NIPAL2: variants seen among roughly 807,000 people sequenced by gnomAD.
The protein encoded by NIPAL2 is NIPA-like protein 2.
In NIPAL2, 43 loss-of-function variants were observed where a neutral mutation model predicts 48.9. The ratio of observed to expected loss-of-function variants is 0.88; its 90% CI spans 0.69 to 1.13. The LOEUF is 1.13. NIPAL2 is among the 50% of genes most tolerant of loss of function. The probability of loss-of-function intolerance (pLI) is 0.00; values close to 1 mark genes in which losing one functional copy is unlikely to be tolerated. For synonymous variants in NIPAL2, 167 were observed against 174.6 expected (o/e 0.96, Z 0.34); for missense variants, 446 against 461.4 (o/e 0.97, Z 0.31).
chr8:98,211,733 A>AAGTGTGTGT (rs1271888062), intron 6 of NIPAL2, among the ~76,000 whole-genome samples: 6,485 of 108,940 alleles, frequency 0.06, 226 homozygotes, highest in African/African-American at 0.067. Context: ...AGAGAGAGAA[A>AAGTGTGTGT]GTGTGTGTGT....
At chr8:98,217,575 A>G (rs1811638888) in intron 5 of NIPAL2, among the ~76,000 whole-genome samples, 1 of 152,212 alleles carries the variant, frequency 6.6e-6, no homozygotes, top group South Asian at 2.1e-4. Context: ...ATTAAATATT[A>G]CTTAGATGTT....
chr8:98,211,803 A>G lies in NIPAL2; in HGVS notation c.655+602T>C, dbSNP rs562085997. 2.6e-5 allele frequency among the ~76,000 whole-genome samples: 4 copies of G among 151,586 alleles called. No individual in the cohort carries two copies. In the East Asian group the frequency reaches 7.7e-4, roughly 29 times the overall value. ...GAAAGAGAGAGAGAGAGAAAGAAAG[A>G]GACAGGGACAGAGAGACAGAAAGAC... On this transcript the variant is annotated intron_variant, in intron 6 of 10. Transcript: ENST00000430223.
intron 8 of NIPAL2, among the ~76,000 whole-genome samples, chr8:98,198,423 C>T (rs562948352): frequency 6.6e-6 from 1 of 152,270 alleles, no homozygotes; most frequent in East Asian, 1.9e-4. Context: ...ATTAAAGTGC[C>T]CAGCTGCATT....
rs376981512 is a variant in NIPAL2, at chr8:98,242,300, C to A, written c.377-6086G>T. Among the ~76,000 whole-genome samples, 75 of 152,114 alleles carry A rather than the reference C, an allele frequency of 4.9e-4. 1 individual carries two copies. The South Asian group carries it at 0.014, about 29-fold the overall frequency. On this transcript the variant is annotated intron_variant, in intron 3 of 10. Coordinates refer to ENST00000430223, the MANE Select transcript of NIPAL2 (RefSeq NM_001321635.2). Reference sequence around the variant, plus strand: ...GCTCACGTGATTCTCCCACCTCAGCCTCCCAAGGAGCTGGGACTATAGGCA... The same window carrying A: ...GCTCACGTGATTCTCCCACCTCAGCATCCCAAGGAGCTGGGACTATAGGCA...
intron 5 of NIPAL2, among the ~76,000 whole-genome samples, chr8:98,212,885 C>G (rs1332148841): frequency 6.6e-6 from 1 of 152,194 alleles, no homozygotes; most frequent in Non-Finnish European, 1.5e-5. Context: ...TAGTGGCATT[C>G]CCACACTCCG....
Position 98,273,017 on chromosome 8 carries a change from A to T in NIPAL2, c.136-18930T>A, listed in dbSNP as rs116805066. Reference sequence around the variant, plus strand: ...AAAAGGTTATCATTACAGAGAAGAAATGATCCAAGAGAAATAAAGCATATG... The same window carrying T: ...AAAAGGTTATCATTACAGAGAAGAATTGATCCAAGAGAAATAAAGCATATG... On this transcript the variant is annotated intron_variant, in intron 1 of 10. Transcript: ENST00000430223. 9.8e-3 allele frequency among the ~76,000 whole-genome samples: 1,489 copies of T among 152,334 alleles called. 24 individuals are homozygous for T. The highest frequency in any genetic ancestry group is 0.034 in the African/African-American group (1,402 of 41,568).
intron 3 of NIPAL2, among the ~76,000 whole-genome samples, chr8:98,246,268 C>T (rs983856178): frequency 3.9e-5 from 6 of 152,164 alleles, no homozygotes; most frequent in South Asian, 4.1e-4. Flanking sequence ...TTTAGGGCTT[C>T]ATAACAGCAC....
chr8:98,258,918 G>A (rs909937214), intron 1 of NIPAL2, among the ~76,000 whole-genome samples: 2 of 151,460 alleles, frequency 1.3e-5, no homozygotes, highest in African/African-American at 4.9e-5. Context: ...TTCAGCTGAA[G>A]TTTTTCTTTT....
In NIPAL2 at chr8:98,191,065, G is replaced by A. The variant is rs899034756; in HGVS notation, c.*1913C>T. On this transcript the variant is annotated 3_prime_UTR_variant, in exon 11 of 11. Transcript: ENST00000430223. ...ATTGCTTAAATGTGCATAAGTCAAT[G>A]TCATTTCTCAAAACGTTTAATAGAT... 3.3e-5 allele frequency: 5 copies of A among 152,222 alleles called. No homozygotes were observed. Among genetic ancestry groups the A allele is most frequent in the Non-Finnish European group, 7.3e-5 (5 of 68,040 alleles). The allele number at this position is 152,222 out of a possible 1,614,324, so 9.4% of individuals were successfully genotyped here. A position where few individuals can be genotyped will look rare whatever the true frequency, so the allele number is the denominator to read the frequency against.
intron 5 of NIPAL2, among the ~76,000 whole-genome samples, chr8:98,219,138 G>A (rs1742261987): frequency 6.6e-6 from 1 of 152,108 alleles, no homozygotes; most frequent in African/African-American, 2.4e-5. Context: ...AGAAGAGAGA[G>A]TTTGGGGGAG....
At chr8:98,206,218 G>A (rs905062362) in intron 6 of NIPAL2, among the ~76,000 whole-genome samples, 14 of 152,058 alleles carry the variant, frequency 9.2e-5, no homozygotes, top group Non-Finnish European at 1.8e-4. Flanking sequence ...CAATGCGAAG[G>A]AGAAATACTC....
intron 1 of NIPAL2, among the ~76,000 whole-genome samples, chr8:98,291,543 C>T (rs147439584): frequency 9.7e-4 from 147 of 152,318 alleles, no homozygotes; most frequent in Middle Eastern, 3.4e-3. Context: ...ACCTACATAG[C>T]TCATTTTCCC....
chr8:98,210,286 G>T (rs1032130145), intron 6 of NIPAL2, among the ~76,000 whole-genome samples: 2 of 151,698 alleles, frequency 1.3e-5, no homozygotes, highest in Non-Finnish European at 2.9e-5. Flanking sequence ...ATGAACTCTA[G>T]GTTTAATATT....
At chr8:98,232,694 G>A (rs967966912) in intron 4 of NIPAL2, among the ~76,000 whole-genome samples, 2 of 152,096 alleles carry the variant, frequency 1.3e-5, no homozygotes, top group Non-Finnish European at 1.5e-5. Context: ...AAAGAAAAAA[G>A]AGAAAGGTTA....
rs867626879 is a variant in NIPAL2, at chr8:98,288,411, A to G, written c.135+5592T>C. Among the ~76,000 whole-genome samples, 6 of 151,528 alleles carry G rather than the reference A, an allele frequency of 4.0e-5. 1 individual carries two copies. The East Asian group carries it at 5.8e-4, about 15-fold the overall frequency. Reference sequence around the variant, plus strand: ...CTGCATAGTATTCCATGGTGTATATATGCCACATTTTCTTAATCCAGTCTA... The same window carrying G: ...CTGCATAGTATTCCATGGTGTATATGTGCCACATTTTCTTAATCCAGTCTA... On this transcript the variant is annotated intron_variant, in intron 1 of 10. Coordinates refer to ENST00000430223, the MANE Select transcript of NIPAL2 (RefSeq NM_001321635.2).
intron 1 of NIPAL2, among the ~76,000 whole-genome samples, chr8:98,274,771 C>T (rs1815362612): frequency 6.6e-6 from 1 of 151,982 alleles, no homozygotes; most frequent in South Asian, 2.1e-4. Flanking sequence ...TTGTGATTGT[C>T]AACATAGTTT....
At position 98,212,630 on chromosome 8, in the gene NIPAL2, C is replaced by T. The variant is rs1342926786; in HGVS notation, c.559-129G>A. 3 of 575,228 alleles carry T rather than the reference C, an allele frequency of 5.2e-6. No individual in the cohort carries two copies. The East Asian group carries it at 8.8e-5, about 17-fold the overall frequency. The allele number at this position is 575,228 out of a possible 1,614,324, so 35.6% of individuals were successfully genotyped here. On this transcript the variant is annotated intron_variant, in intron 5 of 10. Transcript: ENST00000430223. ...GGGTGACTGAGGTTCCTAGGGATGA[C>T]ACAGGAGAGCAGTATAAGCACCTCG... is the stretch of plus-strand genomic sequence containing the variant.
At position 98,251,407 on chromosome 8, in the gene NIPAL2, C is replaced by T. The variant is rs560991965; in HGVS notation, c.376+1056G>A. On this transcript the variant is annotated intron_variant, in intron 3 of 10. Transcript: ENST00000430223. ...TTACTAAATAGAAAGTGAGGTTTAC[C>T]CAATTTGCTTATTCTATTGGAATGT... Among the ~76,000 whole-genome samples, 19 of 152,104 alleles carry T rather than the reference C, an allele frequency of 1.2e-4. 1 individual carries two copies. The highest frequency in any genetic ancestry group is 2.5e-4 in the Non-Finnish European group (17 of 67,986).
chr8:98,230,591 G>T (rs768434887), intron 4 of NIPAL2, among the ~76,000 whole-genome samples: 2 of 152,172 alleles, frequency 1.3e-5, no homozygotes, highest in Non-Finnish European at 2.9e-5. Flanking sequence ...TGTTTTGGGG[G>T]AATATTTTAT....
Sources: allele counts gnomAD v4.1 joint callset (sites outside exome capture counted in the v4.1 genomes callset), GRCh38; gene constraint gnomAD v4.1.1; transcripts MANE v1.5; gene names NCBI Gene and HGNC (gene_info 2026-07-23, HGNC 2026-07-21).